The following FER variants were observed in gnomAD, a reference collection of about 807,000 sequenced individuals.
FER encodes the protein tyrosine-protein kinase Fer.
In FER, 63 loss-of-function variants were observed where a neutral mutation model predicts 111.0. The ratio of observed to expected loss-of-function variants is 0.57; its 90% CI spans 0.46 to 0.70. FER has a LOEUF of 0.70. Among genes scored for constraint, FER ranks in the 30% least tolerant of loss-of-function variants. The pLI is 0.00. For missense variants in FER, 914 were observed against 954.0 expected, an observed-to-expected ratio of 0.96 and a Z score of 0.55; for synonymous variants, 327 against 313.9, an observed-to-expected ratio of 1.04 and a Z score of -0.44.
intron 16 of FER, among the ~76,000 whole-genome samples, chr5:109,086,870 C>G (rs72796560): frequency 0.014 from 2,105 of 150,580 alleles, 30 homozygotes; most frequent in Non-Finnish European, 0.02. Context: ...AAAATGTCAG[C>G]AGAGTTGGTT....
chr5:108,869,359 G>A (rs1173711088), intron 6 of FER, among the ~76,000 whole-genome samples: 1 of 152,102 alleles, frequency 6.6e-6, no homozygotes, highest in Non-Finnish European at 1.5e-5. Flanking sequence ...GACTAACCCT[G>A]CACTCTCCGT....
intron 10 of FER, among the ~76,000 whole-genome samples, chr5:108,939,028 G>A (rs1450315361): frequency 1.3e-5 from 2 of 152,004 alleles, no homozygotes; most frequent in Non-Finnish European, 2.9e-5. Flanking sequence ...GTTTAACTGT[G>A]CATTTCTAAA....
intron 10 of FER, among the ~76,000 whole-genome samples, chr5:108,931,107 A>G (rs1754604508): frequency 6.6e-6 from 1 of 152,190 alleles, no homozygotes; most frequent in African/African-American, 2.4e-5. Context: ...AAATGAGGAT[A>G]ATAACAGGAC....
At chr5:108,805,789 C>T (rs1757143502) in intron 3 of FER, among the ~76,000 whole-genome samples, 1 of 152,092 alleles carries the variant, frequency 6.6e-6, no homozygotes, top group Non-Finnish European at 1.5e-5. Flanking sequence ...CAGCAAAGCA[C>T]TCAAGAGGTG....
chr5:108,795,786 TC>T (rs1242247804), intron 2 of FER, among the ~76,000 whole-genome samples: 2 of 152,236 alleles, frequency 1.3e-5, no homozygotes, highest in Non-Finnish European at 2.9e-5. Context: ...ATCTTGAATT[TC>T]TTTGAGTTAA....
At chr5:108,973,726 T>G (rs1333836080) in intron 13 of FER, among the ~76,000 whole-genome samples, 2 of 152,152 alleles carry the variant, frequency 1.3e-5, no homozygotes, top group African/African-American at 4.8e-5. Flanking sequence ...TAGCTCTCAT[T>G]GTTTCATGGT....
rs542545994 is a variant in FER at position 109,029,401 on chromosome 5, T to C, written c.1657-8021T>C. On this transcript the variant is annotated intron_variant, in intron 13 of 19. Coordinates refer to ENST00000281092, the MANE Select transcript of FER (RefSeq NM_005246.4). ...TCCCAAGGCTTTCTTTATCTGAAAA[T>C]GTCTTTATTTTCTATTCATTGTTCT... is the stretch of plus-strand genomic sequence containing the variant. Among the ~76,000 whole-genome samples, 4 of 149,106 alleles carry C rather than the reference T, an allele frequency of 2.7e-5. No homozygotes were observed. In the South Asian group the frequency reaches 8.5e-4, roughly 32 times the overall value.
chr5:108,969,616 T>TTTTTTTTTTTTTTTTTGAGACG (rs1561695264), intron 13 of FER, among the ~76,000 whole-genome samples: 1 of 149,050 alleles, frequency 6.7e-6, no homozygotes, highest in African/African-American at 2.6e-5. Context: ...TTAATTTTTT[T>TTTTTTTTTTTTTTTTTGAGACG]GAACACTGTG....
intron 5 of FER, among the ~76,000 whole-genome samples, chr5:108,864,862 A>G (rs1177660058): frequency 6.6e-6 from 1 of 152,040 alleles, no homozygotes; most frequent in East Asian, 1.9e-4. Flanking sequence ...GTTCCATATG[A>G]ACTTTAAAGT....
intron 13 of FER, among the ~76,000 whole-genome samples, chr5:108,986,467 A>T (rs1484742535): frequency 7.2e-5 from 11 of 151,826 alleles, no homozygotes; most frequent in Non-Finnish European, 1.6e-4. Context: ...TCATATATTT[A>T]TCTTTGTTTT....
At chr5:108,845,541 C>G (rs954703324) in intron 5 of FER, among the ~76,000 whole-genome samples, 1 of 152,012 alleles carries the variant, frequency 6.6e-6, no homozygotes, top group African/African-American at 2.4e-5. Context: ...ATCATGTTAT[C>G]TATGTATAAA....
At chr5:109,038,115 CAAT>C (rs759759848) in intron 14 of FER, among the ~76,000 whole-genome samples, 43 of 151,788 alleles carry the variant, frequency 2.8e-4, no homozygotes, top group Non-Finnish European at 3.4e-4. Context: ...TGTTATTTAA[CAAT>C]AATGGCAGAT....
intron 16 of FER, among the ~76,000 whole-genome samples, chr5:109,053,724 G>A (rs1286914760): frequency 8.0e-5 from 10 of 124,882 alleles, no homozygotes; most frequent in African/African-American, 1.3e-4. Context: ...ACGGAATCTC[G>A]CTCTCGCCCA....
Position 108,859,920 on chromosome 5 carries a change from C to CTATTATTATTATTATTAT in FER, c.482-7827_482-7810dup, listed in dbSNP as rs202162884. Among the ~76,000 whole-genome samples, 1,367 of 141,586 alleles carry CTATTATTATTATTATTAT rather than the reference C, an allele frequency of 9.7e-3. 16 individuals carry two copies. Among genetic ancestry groups the CTATTATTATTATTATTAT allele is most frequent in the East Asian group, 0.025 (124 of 4,926 alleles). 92.9% of individuals were successfully genotyped at this position (141,586 alleles called of 152,430 possible). ...TAAAAGTAGCAAGATATGTATATACCTATTATTATTATTATTATTATTATT... is the reference window on the plus strand; with the variant it reads ...TAAAAGTAGCAAGATATGTATATACCTATTATTATTATTATTATTATTATTATTATTATTATTATTATT... On this transcript the variant is annotated intron_variant, in intron 5 of 19. Transcript: ENST00000281092.
At chr5:109,087,137 C>T (rs2150034324) in intron 16 of FER, among the ~76,000 whole-genome samples, 1 of 151,566 alleles carries the variant, frequency 6.6e-6, no homozygotes, top group South Asian at 2.1e-4. Flanking sequence ...CAGCCCATAA[C>T]ATATTTGTTA....
At chr5:109,019,275 C>T (rs772120529) in intron 13 of FER, among the ~76,000 whole-genome samples, 2 of 151,442 alleles carry the variant, frequency 1.3e-5, no homozygotes, top group African/African-American at 4.8e-5. Flanking sequence ...CTAGCCATGC[C>T]CTCATAAAAT....
chr5:108,861,464 C>T (rs535344786), intron 5 of FER, among the ~76,000 whole-genome samples: 66 of 152,120 alleles, frequency 4.3e-4, no homozygotes, highest in African/African-American at 1.5e-3. Flanking sequence ...ATAATTTAAT[C>T]TCTTTGTGAA....
chr5:108,998,455 C>A (rs767804891), intron 13 of FER, among the ~76,000 whole-genome samples: 3 of 152,148 alleles, frequency 2.0e-5, no homozygotes, highest in Non-Finnish European at 4.4e-5. Flanking sequence ...CATCCTTCTT[C>A]GGCTCGCCCT....
chr5:108,946,175 A>G lies in FER; in HGVS notation c.1282A>G (p.Ile428Val), dbSNP rs779848308. The G allele has an allele frequency of 4.3e-6, 7 of 1,612,314 alleles. No homozygotes were observed. Among genetic ancestry groups the G allele is most frequent in the Admixed American group, 3.3e-5 (2 of 59,942 alleles). Residue 428 changes from isoleucine to valine, a missense_variant, in exon 11 of 20, where the codon ATT becomes GTT. Ile to Val is a conservative substitution (Grantham distance 29). Transcript: ENST00000281092. ...CAAATTTGAATCTATTCGTCATTCA[A>G]TTGCTGGAATAATTAGGTCTCCAAA... ...LSKFESIRHS[I>V]AGIIRSPKSA...
Sources: gnomAD v4.1 joint callset for allele counts (sites outside exome capture counted in the v4.1 genomes callset) on GRCh38, gnomAD v4.1.1 for gene constraint, MANE v1.5 for transcripts, NCBI Gene and HGNC (gene_info 2026-07-23, HGNC 2026-07-21) for gene names.